HS6ST3: variants seen among roughly 807,000 people sequenced by gnomAD.
HS6ST3 encodes the protein heparan sulfate 6-O-sulfotransferase 3.
Under a neutral mutation model 36.7 loss-of-function variants are expected in HS6ST3, and 12 were observed. The ratio of observed to expected loss-of-function variants is 0.33; its 90% CI spans 0.21 to 0.53. HS6ST3 has a LOEUF of 0.53. Among genes scored for constraint, HS6ST3 ranks in the 20% least tolerant of loss-of-function variants. The pLI is 0.95. For synonymous variants in HS6ST3, 240 were observed against 257.5 expected (o/e 0.93, Z 0.65); for missense variants, 584 against 640.9 (o/e 0.91, Z 0.96).
intron 1 of HS6ST3, among the ~76,000 whole-genome samples, chr13:96,322,669 G>A (rs946615354): frequency 5.9e-5 from 9 of 152,128 alleles, no homozygotes; most frequent in African/African-American, 2.2e-4. Flanking sequence ...TCACTCTCAA[G>A]CATCTGCTTT....
intron 1 of HS6ST3, among the ~76,000 whole-genome samples, chr13:96,406,243 GA>G (rs1454168401): frequency 6.6e-6 from 1 of 152,134 alleles, no homozygotes; most frequent in African/African-American, 2.4e-5. Context: ...CCTTAATTAT[GA>G]AAACAATGTA....
At chr13:96,173,118 A>G (rs2054195959) in intron 1 of HS6ST3, among the ~76,000 whole-genome samples, 1 of 152,212 alleles carries the variant, frequency 6.6e-6, no homozygotes, top group African/African-American at 2.4e-5. Context: ...ATACAGAGTC[A>G]TTGCTGATAG....
At chr13:96,701,071 A>C (rs1175019141) in intron 1 of HS6ST3, among the ~76,000 whole-genome samples, 1 of 152,202 alleles carries the variant, frequency 6.6e-6, no homozygotes, top group Non-Finnish European at 1.5e-5. Context: ...TAAGCAGAAC[A>C]ATTTTTTAGC....
chr13:96,435,775 T>C (rs2055638647), intron 1 of HS6ST3, among the ~76,000 whole-genome samples: 1 of 149,420 alleles, frequency 6.7e-6, no homozygotes, highest in South Asian at 2.1e-4. Flanking sequence ...ACAAAACTTC[T>C]GTATAGTTTT....
chr13:96,580,409 A>ATAGTTGTACCTTATAGATGAGTTCTCAGC (rs2056337781), intron 1 of HS6ST3, among the ~76,000 whole-genome samples: 3 of 150,660 alleles, frequency 2.0e-5, no homozygotes, highest in African/African-American at 7.3e-5. Flanking sequence ...TTTTTGCAAA[A>ATAGTTGTACCTTATAGATGAGTTCTCAGC]TAGTTGTACC....
chr13:96,404,716 A>G (rs1362931884), intron 1 of HS6ST3, among the ~76,000 whole-genome samples: 1 of 152,212 alleles, frequency 6.6e-6, no homozygotes. Context: ...ACAGTAAATC[A>G]GAGGACAGTG....
intron 1 of HS6ST3, among the ~76,000 whole-genome samples, chr13:96,237,075 A>G (rs1302577196): frequency 3.3e-5 from 5 of 152,166 alleles, no homozygotes; most frequent in African/African-American, 1.2e-4. Flanking sequence ...AGATCTCATG[A>G]GAAGTTGCTC....
intron 1 of HS6ST3, among the ~76,000 whole-genome samples, chr13:96,755,493 C>G (rs1364708439): frequency 2.6e-5 from 4 of 151,954 alleles, no homozygotes; most frequent in African/African-American, 4.8e-5. Context: ...GCTTCCCGAG[C>G]AGCTGAGATT....
intron 1 of HS6ST3, among the ~76,000 whole-genome samples, chr13:96,249,979 A>T (rs1427209844): frequency 1.3e-5 from 2 of 152,162 alleles, no homozygotes; most frequent in Non-Finnish European, 2.9e-5. Context: ...ACCAAGTTTA[A>T]GTTTGGGATG....
At chr13:96,220,570 G>T (rs955864866) in intron 1 of HS6ST3, among the ~76,000 whole-genome samples, 1 of 152,120 alleles carries the variant, frequency 6.6e-6, no homozygotes, top group Non-Finnish European at 1.5e-5. Flanking sequence ...TGTTTTTGAT[G>T]ATCTGTTTCA....
intron 1 of HS6ST3, among the ~76,000 whole-genome samples, chr13:96,762,755 A>T (rs570751203): frequency 3.3e-4 from 50 of 152,262 alleles, no homozygotes; most frequent in Non-Finnish European, 5.9e-4. Flanking sequence ...TATTTATTTG[A>T]TGTTCAGCCT....
chr13:96,346,581 A>G (rs915394110), intron 1 of HS6ST3, among the ~76,000 whole-genome samples: 2 of 149,792 alleles, frequency 1.3e-5, no homozygotes, highest in Non-Finnish European at 3.0e-5. Flanking sequence ...TCAAAAAAAA[A>G]ATAATAATAA....
chr13:96,626,878 A>C (rs755595784), intron 1 of HS6ST3, among the ~76,000 whole-genome samples: 5 of 152,236 alleles, frequency 3.3e-5, no homozygotes, highest in Middle Eastern at 3.4e-3. Context: ...ATGGAAATGC[A>C]GATAATTTTC....
At chr13:96,792,574 C>T (rs1405250436) in intron 1 of HS6ST3, among the ~76,000 whole-genome samples, 1 of 151,868 alleles carries the variant, frequency 6.6e-6, no homozygotes, top group Non-Finnish European at 1.5e-5. Context: ...TGCCTTTAGT[C>T]CATATGGATA....
intron 1 of HS6ST3, among the ~76,000 whole-genome samples, chr13:96,673,550 C>T (rs2056689180): frequency 6.6e-6 from 1 of 152,020 alleles, no homozygotes; most frequent in Non-Finnish European, 1.5e-5. Flanking sequence ...GGGGTATTTT[C>T]TTTATTGATT....
chr13:96,599,862 A>G (rs1488425794), intron 1 of HS6ST3, among the ~76,000 whole-genome samples: 1 of 152,034 alleles, frequency 6.6e-6, no homozygotes, highest in Non-Finnish European at 1.5e-5. Flanking sequence ...AAAATTTTCT[A>G]ATTTCAAACC....
At chr13:96,370,246 A>AGTTATTTT (rs1359023246) in intron 1 of HS6ST3, among the ~76,000 whole-genome samples, 1 of 152,132 alleles carries the variant, frequency 6.6e-6, no homozygotes, top group Admixed American at 6.6e-5. Context: ...AGGGTGGAAA[A>AGTTATTTT]CTAGCTAAAG....
intron 1 of HS6ST3, among the ~76,000 whole-genome samples, chr13:96,157,653 A>C (rs2054116427): frequency 6.6e-6 from 1 of 152,238 alleles, no homozygotes; most frequent in African/African-American, 2.4e-5. Flanking sequence ...TCAGTGGATA[A>C]GAACTAGAGG....
intron 1 of HS6ST3, among the ~76,000 whole-genome samples, chr13:96,279,183 A>G (rs1451629692): frequency 6.6e-6 from 1 of 152,200 alleles, no homozygotes; most frequent in Admixed American, 6.5e-5. Flanking sequence ...GAATAGCCAA[A>G]GTTCACACAG....
Sources: gnomAD v4.1 joint callset for allele counts (sites outside exome capture counted in the v4.1 genomes callset) on GRCh38, gnomAD v4.1.1 for gene constraint, MANE v1.5 for transcripts, NCBI Gene and HGNC (gene_info 2026-07-23, HGNC 2026-07-21) for gene names.